The following COL18A1 variants were observed in gnomAD, a reference collection of about 807,000 sequenced individuals.
COL18A1 encodes the protein collagen alpha-1(XVIII) chain.
Under a neutral mutation model 168.0 loss-of-function variants are expected in COL18A1, and 133 were observed. That is an observed-to-expected ratio of 0.79 (90% confidence interval 0.69 to 0.91). COL18A1 has a LOEUF of 0.91. Ranked by LOEUF, COL18A1 falls within the 40% of genes least tolerant of loss-of-function variation. The pLI, the probability that COL18A1 is intolerant of heterozygous loss-of-function variation, is 0.00. For missense variants in COL18A1, 2,126 were observed against 1,925.4 expected (o/e 1.10, Z -1.95); for synonymous variants, 949 against 809.0 (o/e 1.17, Z -2.94).
At chr21:45,495,524 G>C in intron 29 of COL18A1, 92 bp downstream of exon 29, 1 of 1,109,690 alleles carries the variant, frequency 9.0e-7, no homozygotes, top group Non-Finnish European at 1.3e-6. Flanking sequence ...GCTCCTCCCA[G>C]AGGCCACTTA....
At chr21:45,478,448 C>CTGTA in intron 9 of COL18A1, 95 bp downstream of exon 9, 3 of 1,531,992 alleles carry the variant, frequency 2.0e-6, no homozygotes, top group Non-Finnish European at 2.7e-6. Flanking sequence ...TAAACGCGAC[C>CTGTA]CAGTGAGGAG....
chr21:45,493,395 C>T (rs2036426867), intron 25 of COL18A1, 106 bp from the exon 26 acceptor site: 1 of 1,305,086 alleles, frequency 7.7e-7, no homozygotes, highest in Non-Finnish European at 1.1e-6. Flanking sequence ...CGTGAAAGGA[C>T]CCAGCCTGCG....
chr21:45,497,991 C>T (rs774868458), intron 32 of COL18A1, among the ~76,000 whole-genome samples: 7 of 152,212 alleles, frequency 4.6e-5, no homozygotes, highest in Non-Finnish European at 1.0e-4. Flanking sequence ...CTCCCCTCCA[C>T]GGGGCCGGGG....
intron 6 of COL18A1, among the ~76,000 whole-genome samples, chr21:45,477,098 CT>C (rs2035702806): frequency 3.9e-5 from 6 of 152,124 alleles, no homozygotes; most frequent in Admixed American, 3.3e-4. Flanking sequence ...ACAAAGCATG[CT>C]GGGTGATAAG....
chr21:45,432,446 G>A (rs2033989127), intron 2 of COL18A1, among the ~76,000 whole-genome samples: 1 of 152,252 alleles, frequency 6.6e-6, no homozygotes, highest in Non-Finnish European at 1.5e-5. Context: ...AGGGCCTGGA[G>A]TGGGATGGAC....
intron 20 of COL18A1, 120 bp downstream of exon 20, chr21:45,490,466 G>GTGGGTTCCTGGGCCTCCGTGTGTCCCTCC (rs2036279853): frequency 1.6e-6 from 1 of 641,700 alleles, no homozygotes; most frequent in African/African-American, 2.8e-5. Flanking sequence ...ATGTGCCCTC[G>GTGGGTTCCTGGGCCTCCGTGTGTCCCTCC]TGGGTCCCTG....
chr21:45,455,420 C>CA lies in COL18A1; in HGVS notation c.107-12821dup, dbSNP rs1291679017. On this transcript the variant is annotated intron_variant, in intron 2 of 41. Transcript: ENST00000651438. ...GAGTGGGGGGTGGAAGACAGCCGGC[C>CA]AGAGGCTGGGAAGCCTGCACAGGGG... 5.4e-6 allele frequency: 8 copies of CA among 1,491,740 alleles called. No homozygotes were observed. The East Asian group carries it at 1.8e-4, about 34-fold the overall frequency. The allele number at this position is 1,491,740 out of a possible 1,614,324, so 92.4% of individuals were successfully genotyped here.
chr21:45,495,723 C>T (rs1468817254), intron 29 of COL18A1: 2 of 414,966 alleles, frequency 4.8e-6, no homozygotes, highest in Non-Finnish European at 9.2e-6. Context: ...CATACACGCA[C>T]ACACACATCC....
chr21:45,443,177 C>A lies in COL18A1; in HGVS notation c.107-25065C>A, dbSNP rs139932369. On this transcript the variant is annotated intron_variant, in intron 2 of 41. Transcript: ENST00000651438. This position sits in a 1 kb window ranked among gnomAD's most constrained non-coding sequence, Gnocchi z 5.2. ...GCGGCGGTGCTGGTGTGGGTGGATT[C>A]CTGGAGGACAGCTGGGTCTTGCATC... Among the ~76,000 whole-genome samples the A allele has an allele frequency of 2.2e-3, 319 of 148,084 alleles. 1 individual carries two copies. Among genetic ancestry groups the A allele is most frequent in the African/African-American group, 7.7e-3 (303 of 39,170 alleles).
intron 6 of COL18A1, among the ~76,000 whole-genome samples, chr21:45,476,790 T>G (rs1212970613): frequency 6.6e-6 from 1 of 151,664 alleles, no homozygotes; most frequent in Non-Finnish European, 1.5e-5. Flanking sequence ...GTGTGGTGTG[T>G]GTGTTGCGTG....
intron 2 of COL18A1, among the ~76,000 whole-genome samples, chr21:45,434,475 T>C (rs2034046663): frequency 6.6e-6 from 1 of 152,188 alleles, no homozygotes; most frequent in Non-Finnish European, 1.5e-5. Context: ...GCAGCAGTTC[T>C]GAGCATCAGG....
chr21:45,502,679 TC>T (rs1438141806), intron 32 of COL18A1: 4 of 152,178 alleles, frequency 2.6e-5, no homozygotes, highest in Admixed American at 2.6e-4. Flanking sequence ...AGCAAAGGGC[TC>T]CTCCGTGGTC....
At chr21:45,452,118 G>A (rs994808794) in intron 2 of COL18A1, among the ~76,000 whole-genome samples, 3 of 152,240 alleles carry the variant, frequency 2.0e-5, no homozygotes, top group South Asian at 2.1e-4. Flanking sequence ...ACCCTGGTCC[G>A]CACTGCTCAT....
Position 45,443,074 on chromosome 21 carries a change from T to C in COL18A1, c.107-25168T>C. ...GGTGTGGGCGGTGGTGGTGCTGGTG[T>C]GGGTGGTGGTGGTGCTGATGTGGGC... On this transcript the variant is annotated intron_variant, in intron 2 of 41. Coordinates refer to ENST00000651438, the MANE Select transcript of COL18A1 (RefSeq NM_001379500.1). The surrounding 1 kb of genome is among the most constrained non-coding windows in gnomAD (Gnocchi z 5.2). Among the ~76,000 whole-genome samples, 1 of 98,110 alleles carries C rather than the reference T, an allele frequency of 1.0e-5. No individual in the cohort carries two copies. Among genetic ancestry groups the C allele is most frequent in the African/African-American group, 4.5e-5 (1 of 22,178 alleles). 64.4% of individuals were successfully genotyped at this position (98,110 alleles called of 152,430 possible). A position where few individuals can be genotyped will look rare whatever the true frequency, so the allele number is the denominator to read the frequency against.
At chr21:45,436,499 AG>A (rs930256493) in intron 2 of COL18A1, among the ~76,000 whole-genome samples, 9 of 151,494 alleles carry the variant, frequency 5.9e-5, no homozygotes, top group African/African-American at 2.2e-4. Flanking sequence ...CTGGAAGGAG[AG>A]GGCTTTCGGT....
At chr21:45,470,425 C>CTTTTTTTTTTTTTTTTTTTTTTTTTTTT (rs1195744330) in intron 3 of COL18A1, among the ~76,000 whole-genome samples, 1 of 37,114 alleles carries the variant, frequency 2.7e-5, no homozygotes. Flanking sequence ...TTTACCTTGT[C>CTTTTTTTTTTTTTTTTTTTTTTTTTTTT]TTTTTTTTTT....
chr21:45,507,696 G>C lies in COL18A1; in HGVS notation c.3249+103G>C. On this transcript the variant is annotated intron_variant, in intron 38 of 41. Transcript: ENST00000651438. The stretch of plus-strand genomic sequence containing the variant: ...CAACACGTGGTCCTTTGGAGTCCTG[G>C]AGCTGAACATGTGGCTCACCATCAG... The C allele has an allele frequency of 3.6e-6, 4 of 1,109,808 alleles. No individual in the cohort carries two copies. The Admixed American group carries it at 7.8e-5, about 22-fold the overall frequency. 68.7% of individuals were successfully genotyped at this position (1,109,808 alleles called of 1,614,324 possible). A position where few individuals can be genotyped will look rare whatever the true frequency, so the allele number is the denominator to read the frequency against.
intron 2 of COL18A1, among the ~76,000 whole-genome samples, chr21:45,428,903 C>CT (rs35500358): frequency 0.035 from 5,033 of 145,434 alleles, 69 homozygotes; most frequent in Middle Eastern, 0.081. Flanking sequence ...TCTTTCTTTT[C>CT]TTTTTTTTTT....
intron 40 of COL18A1, 77 bp from the exon 41 acceptor site, chr21:45,511,008 CCCCCACACATCCACACCCCACATCCA>C: frequency 3.3e-5 from 1 of 30,208 alleles, no homozygotes; most frequent in Non-Finnish European, 6.0e-5. Flanking sequence ...ACACACCCCC[CCCCCACACATCCACACCCCACATCCA>C]CACACCCCCC....
Sources: gnomAD v4.1 joint callset for allele counts (sites outside exome capture counted in the v4.1 genomes callset) on GRCh38, gnomAD v4.1.1 for gene constraint, Gnocchi (gnomAD v3.1) non-coding constraint, MANE v1.5 for transcripts, NCBI Gene and HGNC (gene_info 2026-07-23, HGNC 2026-07-21) for gene names.